MMS22L: variants seen among roughly 807,000 people sequenced by gnomAD.
MMS22L encodes MMS22 like, DNA repair protein, also known as protein MMS22-like.
In MMS22L, 74 loss-of-function variants were observed where a neutral mutation model predicts 159.1. That is an observed-to-expected ratio of 0.47 (90% CI 0.39 to 0.56). MMS22L has a LOEUF of 0.56. Ranked by LOEUF, MMS22L falls within the 20% of genes least tolerant of loss-of-function variation. The probability of loss-of-function intolerance (pLI) is 0.00; values close to 1 mark genes in which losing one functional copy is unlikely to be tolerated. For synonymous variants in MMS22L, 517 were observed against 506.9 expected, an observed-to-expected ratio of 1.02 and a Z score of -0.27; for missense variants, 1,351 against 1,422.1, an observed-to-expected ratio of 0.95 and a Z score of 0.80.
chr6:97,214,108 A>T (rs1421256093), intron 14 of MMS22L, among the ~76,000 whole-genome samples: 1 of 152,194 alleles, frequency 6.6e-6, no homozygotes, highest in Non-Finnish European at 1.5e-5. Context: ...ATTAAAAAAA[A>T]TACCTTCTAC....
chr6:97,281,913 G>C (rs1042494370), intron 2 of MMS22L, among the ~76,000 whole-genome samples: 1 of 152,186 alleles, frequency 6.6e-6, no homozygotes, highest in Non-Finnish European at 1.5e-5. Flanking sequence ...TATATGTGCA[G>C]GTAGGATTAG....
chr6:97,188,085 G>C (rs1418462747), intron 14 of MMS22L, among the ~76,000 whole-genome samples: 1 of 152,148 alleles, frequency 6.6e-6, no homozygotes. Context: ...CTAGTGGCTA[G>C]AGAACCATTT....
chr6:97,231,601 T>C lies in MMS22L; in HGVS notation c.1354A>G (p.Met452Val), dbSNP rs373010587. Residue 452 changes from methionine (M) to valine (V), a missense_variant, in exon 13 of 25, where the codon ATG (methionine) becomes GTG (valine). Coordinates refer to ENST00000683635, the MANE Select transcript of MMS22L (RefSeq NM_001350599.2). ...TCAAGCATAGACAAGGGTGACTTCA[T>C]GGTATTAGCAAGGCCTTTAAAAGGA... ...WLPFKGLANTMKSPLSMLEMV... is the reference protein window; with the variant it reads ...WLPFKGLANTVKSPLSMLEMV... 5.6e-6 allele frequency: 9 copies of C among 1,613,722 alleles called. No individual in the cohort carries two copies. The highest frequency in any genetic ancestry group is 2.7e-5 in the African/African-American group (2 of 74,896).
rs1313787383 is a variant in MMS22L at position 97,144,680 on chromosome 6, G to C, written c.*2126C>G. 6.6e-6 allele frequency: 1 copy of C among 151,988 alleles called. No individual in the cohort carries two copies. The highest frequency in any genetic ancestry group is 1.5e-5 in the Non-Finnish European group (1 of 68,016). The allele number at this position is 151,988 out of a possible 1,614,324, so 9.4% of individuals were successfully genotyped here. On this transcript the variant is annotated 3_prime_UTR_variant, in exon 25 of 25. Transcript: ENST00000683635. ...AAGAAGCAGGTATAAGGGACTCCAA[G>C]TCTGGGAATGAAAGAGGGCAAGATT...
At chr6:97,182,455 C>T (rs1804812018) in intron 15 of MMS22L, among the ~76,000 whole-genome samples, 1 of 152,122 alleles carries the variant, frequency 6.6e-6, no homozygotes, top group Non-Finnish European at 1.5e-5. Context: ...TGAACAGTTC[C>T]TTCTCACCTT....
Position 97,146,786 on chromosome 6 carries a change from A to T in MMS22L, c.*20T>A. Reference sequence around the variant, plus strand: ...CTTTAGATACTGATAATTAATAGACAGGATGAATCACAAAATATATTAAGT... The same window carrying T: ...CTTTAGATACTGATAATTAATAGACTGGATGAATCACAAAATATATTAAGT... On this transcript the variant is annotated 3_prime_UTR_variant, in exon 25 of 25. Transcript: ENST00000683635. 6.7e-7 allele frequency: 1 copy of T among 1,487,976 alleles called. No individual in the cohort carries two copies. The highest frequency in any genetic ancestry group is 9.2e-7 in the Non-Finnish European group (1 of 1,090,850). 92.2% of individuals were successfully genotyped at this position (1,487,976 alleles called of 1,614,324 possible). A position where few individuals can be genotyped will look rare whatever the true frequency, so the allele number is the denominator to read the frequency against.
Position 97,146,671 on chromosome 6 carries a change from A to T in MMS22L, c.*135T>A, listed in dbSNP as rs1800938128. ...CCTTATTTATACATTTTTTACTTAC[A>T]GATATAAAAGGAAAAAAAATCCTAG... On this transcript the variant is annotated 3_prime_UTR_variant, in exon 25 of 25. Coordinates refer to ENST00000683635, the MANE Select transcript of MMS22L (RefSeq NM_001350599.2). 9.6e-6 allele frequency: 5 copies of T among 522,132 alleles called. No homozygotes were observed. The highest frequency in any genetic ancestry group is 1.3e-5 in the Non-Finnish European group (4 of 311,158). 32.3% of individuals were successfully genotyped at this position (522,132 alleles called of 1,614,324 possible).
intron 22 of MMS22L, among the ~76,000 whole-genome samples, chr6:97,153,674 T>C (rs988725104): frequency 3.9e-5 from 6 of 152,146 alleles, no homozygotes; most frequent in African/African-American, 1.4e-4. Flanking sequence ...CCTAGACCTG[T>C]CTCTATAGAT....
Position 97,146,716 on chromosome 6 carries a change from A to T in MMS22L, c.*90T>A. On this transcript the variant is annotated 3_prime_UTR_variant, in exon 25 of 25. Transcript: ENST00000683635. ...TCCTAGAAATTATTTTAAACAGAAC[A>T]TTATACAATTAATTAAAAGTAGGAA... 1.2e-6 allele frequency: 1 copy of T among 863,534 alleles called. No individual in the cohort carries two copies. Among genetic ancestry groups the T allele is most frequent in the Non-Finnish European group, 1.8e-6 (1 of 564,484 alleles). The allele number at this position is 863,534 out of a possible 1,614,324, so 53.5% of individuals were successfully genotyped here.
At position 97,186,649 on chromosome 6, in the gene MMS22L, T is replaced by C; in HGVS notation, c.2081A>G (p.Asn694Ser). 1 of 1,585,838 alleles carries C rather than the reference T, an allele frequency of 6.3e-7. No homozygotes were observed. Among genetic ancestry groups the C allele is most frequent in the Non-Finnish European group, 8.6e-7 (1 of 1,167,798 alleles). Residue 694 changes from asparagine to serine, a missense_variant, in exon 15 of 25, where the codon AAT (asparagine) becomes AGT (serine). Asn to Ser is a conservative substitution (Grantham distance 46). Transcript: ENST00000683635. ...QQLCQELQRD[N>S]VDLFVQSSLS... ...TGAAGACTGTACAAATAGGTCCACA[T>C]TGTCCCTTTGAAGTTCCTGACACAA... is the stretch of plus-strand genomic sequence containing the variant.
intron 12 of MMS22L, among the ~76,000 whole-genome samples, chr6:97,232,075 C>T (rs1394197235): frequency 6.6e-6 from 1 of 151,942 alleles, no homozygotes; most frequent in Non-Finnish European, 1.5e-5. Context: ...ATCTTTTTTC[C>T]CTTCCCTTTT....
At chr6:97,223,448 C>A (rs1418212115) in intron 14 of MMS22L, among the ~76,000 whole-genome samples, 1 of 140,062 alleles carries the variant, frequency 7.1e-6, no homozygotes, top group Admixed American at 7.0e-5. Context: ...CTTAGCTCTG[C>A]TCTTAACTAA....
At chr6:97,181,821 A>G in intron 16 of MMS22L, 83 bp downstream of exon 16, 2 of 1,451,016 alleles carry the variant, frequency 1.4e-6, no homozygotes, top group South Asian at 2.8e-5. Context: ...ATCAGTCCTC[A>G]TTTGTGAAAA....
intron 22 of MMS22L, among the ~76,000 whole-genome samples, chr6:97,152,809 C>CTT (rs35792685): frequency 9.0e-4 from 128 of 142,162 alleles, no homozygotes; most frequent in African/African-American, 2.2e-3. Context: ...ACTGAACTAC[C>CTT]TTTTTTTTTT....
intron 14 of MMS22L, among the ~76,000 whole-genome samples, chr6:97,199,778 T>C (rs1337463389): frequency 6.6e-6 from 1 of 152,108 alleles, no homozygotes; most frequent in African/African-American, 2.4e-5. Context: ...TTAAAGTGTT[T>C]ATTCATCAAA....
At chr6:97,197,432 G>T (rs541937170) in intron 14 of MMS22L, among the ~76,000 whole-genome samples, 1 of 152,158 alleles carries the variant, frequency 6.6e-6, no homozygotes, top group African/African-American at 2.4e-5. Context: ...AGAGTATCAC[G>T]TGGGTAGGAC....
intron 10 of MMS22L, chr6:97,254,093 A>T (rs1423642741): frequency 6.5e-6 from 1 of 153,198 alleles, no homozygotes; most frequent in African/African-American, 2.4e-5. Context: ...TGGTTGTTTA[A>T]TAAGTTATCT....
intron 22 of MMS22L, among the ~76,000 whole-genome samples, chr6:97,159,674 A>G (rs568763997): frequency 1.1e-3 from 163 of 152,136 alleles, no homozygotes; most frequent in Non-Finnish European, 1.9e-3. Flanking sequence ...ACCTGATGCC[A>G]TAAGTGGAAA....
chr6:97,180,510 A>T (rs1466772408), intron 16 of MMS22L, among the ~76,000 whole-genome samples: 2 of 152,162 alleles, frequency 1.3e-5, no homozygotes, highest in Admixed American at 1.3e-4. Context: ...AATTCATACA[A>T]ACCACAAATC....
Sources: gnomAD v4.1 joint callset for allele counts (sites outside exome capture counted in the v4.1 genomes callset) on GRCh38, gnomAD v4.1.1 for gene constraint, MANE v1.5 for transcripts, NCBI Gene and HGNC (gene_info 2026-07-23, HGNC 2026-07-21) for gene names.